The following GLRA3 variants were observed in gnomAD, a reference collection of about 807,000 sequenced individuals.
GLRA3 encodes glycine receptor subunit alpha-3.
A neutral mutation model predicts 60.4 loss-of-function variants in GLRA3; 44 were observed. The observed-to-expected ratio is 0.73, with a 90% CI of 0.57 to 0.94. The LOEUF is 0.94. Ranked by LOEUF, GLRA3 falls within the 40% of genes least tolerant of loss-of-function variation. GLRA3 has a pLI of 0.00. For missense variants in GLRA3, 508 were observed against 564.6 expected (o/e 0.90, Z 1.02); for synonymous variants, 223 against 192.9 (o/e 1.16, Z -1.29).
At chr4:174,677,040 T>C (rs375329222) in intron 7 of GLRA3, 38 bp downstream of exon 7, 37 of 1,175,326 alleles carry the variant, frequency 3.1e-5, no homozygotes, top group Non-Finnish European at 5.1e-6. Flanking sequence ...TTTATAAGTG[T>C]GTGTGCAAAG....
At chr4:174,671,846 T>C (rs895250707) in intron 7 of GLRA3, among the ~76,000 whole-genome samples, 4 of 152,072 alleles carry the variant, frequency 2.6e-5, no homozygotes, top group African/African-American at 7.2e-5. Context: ...AGACGGGGTT[T>C]TGCCATGTTG....
chr4:174,651,604 T>C (rs1437934181), intron 9 of GLRA3, among the ~76,000 whole-genome samples: 2 of 152,186 alleles, frequency 1.3e-5, no homozygotes, highest in Non-Finnish European at 2.9e-5. Flanking sequence ...TAAAATACTA[T>C]GTAAAATAGG....
At chr4:174,663,403 G>A (rs1733530689) in intron 7 of GLRA3, among the ~76,000 whole-genome samples, 1 of 152,138 alleles carries the variant, frequency 6.6e-6, no homozygotes, top group Non-Finnish European at 1.5e-5. Flanking sequence ...GAACGAATAT[G>A]ACTCATAAAG....
intron 1 of GLRA3, among the ~76,000 whole-genome samples, chr4:174,813,855 C>T (rs1261280042): frequency 4.6e-5 from 7 of 152,180 alleles, no homozygotes; most frequent in Admixed American, 2.0e-4. Flanking sequence ...CCGTTGATGT[C>T]TTTTCTCCAG....
chr4:174,647,250 T>C (rs1215304824), intron 9 of GLRA3, among the ~76,000 whole-genome samples: 2 of 151,732 alleles, frequency 1.3e-5, no homozygotes, highest in African/African-American at 4.8e-5. Flanking sequence ...CTACCAAAAT[T>C]ATGAAAAATT....
chr4:174,685,384 G>A (rs1734517334), intron 5 of GLRA3, among the ~76,000 whole-genome samples: 1 of 152,150 alleles, frequency 6.6e-6, no homozygotes, highest in Admixed American at 6.5e-5. Context: ...TCAGTAACCA[G>A]ATCTCTTTAG....
chr4:174,722,315 T>C (rs1260751430), intron 4 of GLRA3, among the ~76,000 whole-genome samples: 1 of 152,196 alleles, frequency 6.6e-6, no homozygotes, highest in African/African-American at 2.4e-5. Context: ...GTCCCTAACC[T>C]GAGTGCATGG....
chr4:174,723,417 A>C (rs1326691623), intron 4 of GLRA3, among the ~76,000 whole-genome samples: 1 of 152,106 alleles, frequency 6.6e-6, no homozygotes, highest in South Asian at 2.1e-4. Flanking sequence ...ATTTTGTTCA[A>C]TGATCAGGGA....
At chr4:174,714,703 C>T (rs552576964) in intron 5 of GLRA3, among the ~76,000 whole-genome samples, 3 of 152,148 alleles carry the variant, frequency 2.0e-5, no homozygotes, top group East Asian at 1.9e-4. Flanking sequence ...TATTCCCCCT[C>T]GGATAACATA....
At chr4:174,820,341 A>G (rs1740693946) in intron 1 of GLRA3, among the ~76,000 whole-genome samples, 1 of 152,188 alleles carries the variant, frequency 6.6e-6, no homozygotes, top group South Asian at 2.1e-4. Context: ...GCCTGGAGTT[A>G]TTTATCTGAA....
intron 7 of GLRA3, among the ~76,000 whole-genome samples, chr4:174,672,306 G>A (rs983095578): frequency 6.6e-6 from 1 of 152,068 alleles, no homozygotes; most frequent in Non-Finnish European, 1.5e-5. Context: ...AAGCCAGAGC[G>A]TGGTCTAAGA....
chr4:174,702,936 A>G (rs1466341179), intron 5 of GLRA3, among the ~76,000 whole-genome samples: 3 of 152,190 alleles, frequency 2.0e-5, no homozygotes, highest in Non-Finnish European at 2.9e-5. Context: ...ACAATTTCTA[A>G]TCAACAGTTC....
At chr4:174,706,916 G>A (rs749638606) in intron 5 of GLRA3, among the ~76,000 whole-genome samples, 1 of 152,170 alleles carries the variant, frequency 6.6e-6, no homozygotes, top group Non-Finnish European at 1.5e-5. Flanking sequence ...TGAACAGGTA[G>A]AGCAGGAAGC....
chr4:174,682,733 T>A, intron 6 of GLRA3, 69 bp downstream of exon 6: 1 of 1,135,538 alleles, frequency 8.8e-7, no homozygotes, highest in Non-Finnish European at 1.3e-6. Context: ...CTTAGCATTA[T>A]AATGAAGAAA....
In GLRA3 at chr4:174,689,792, C is replaced by G. The variant is rs187657984; in HGVS notation, c.575-6853G>C. Among the ~76,000 whole-genome samples, 31 of 76,264 alleles carry G rather than the reference C, an allele frequency of 4.1e-4. 2 individuals carry two copies. The Admixed American group carries it at 5.0e-3, about 12-fold the overall frequency. 50.0% of individuals were successfully genotyped at this position (76,264 alleles called of 152,430 possible). A position where few individuals can be genotyped will look rare whatever the true frequency, so the allele number is the denominator to read the frequency against. ...AAAAAAAAAAAAAAAAAAAGCAAGA[C>G]CTAATGGTATGCTGTCTTCAAGAGA... On this transcript the variant is annotated intron_variant, in intron 5 of 9. Transcript: ENST00000274093.
intron 1 of GLRA3, among the ~76,000 whole-genome samples, chr4:174,796,603 C>G (rs1739580555): frequency 6.6e-6 from 1 of 151,656 alleles, no homozygotes; most frequent in Non-Finnish European, 1.5e-5. Context: ...GAGGCGCGAT[C>G]TTGGCTGACT....
chr4:174,706,980 G>T lies in GLRA3; in HGVS notation c.574+8508C>A, dbSNP rs10033640. On this transcript the variant is annotated intron_variant, in intron 5 of 9. Coordinates refer to ENST00000274093, the MANE Select transcript of GLRA3 (RefSeq NM_006529.4). ...CATAAAGGAAAAGCCATGCTACATT[G>T]ATATCATATTATAATCTTATTACCA... Among the ~76,000 whole-genome samples the T allele has an allele frequency of 9.9e-3, 1,507 of 152,228 alleles. 28 individuals are homozygous for T. Among genetic ancestry groups the T allele is most frequent in the African/African-American group, 0.034 (1,397 of 41,534 alleles).
At position 174,640,555 on chromosome 4, in the gene GLRA3, A is replaced by G. The variant is rs1310292301; in HGVS notation, c.*3231T>C. The G allele has an allele frequency of 2.0e-5, 3 of 152,126 alleles. No homozygotes were observed. Among genetic ancestry groups the G allele is most frequent in the African/African-American group, 7.2e-5 (3 of 41,458 alleles). The allele number at this position is 152,126 out of a possible 1,614,324, so 9.4% of individuals were successfully genotyped here. A position where few individuals can be genotyped will look rare whatever the true frequency, so the allele number is the denominator to read the frequency against. ...TGTATAGTATGGAAGATACATCTAA[A>G]TCTTTTTTCAAATATTATAACTACT... On this transcript the variant is annotated 3_prime_UTR_variant, in exon 10 of 10. Coordinates refer to ENST00000274093, the MANE Select transcript of GLRA3 (RefSeq NM_006529.4).
At chr4:174,706,407 T>C (rs1349086667) in intron 5 of GLRA3, among the ~76,000 whole-genome samples, 4 of 152,030 alleles carry the variant, frequency 2.6e-5, no homozygotes, top group Non-Finnish European at 5.9e-5. Context: ...AATGTTGAAA[T>C]AAATAGATAA....
Sources: gnomAD v4.1 joint callset for allele counts (sites outside exome capture counted in the v4.1 genomes callset) on GRCh38, gnomAD v4.1.1 for gene constraint, MANE v1.5 for transcripts, NCBI Gene and HGNC (gene_info 2026-07-23, HGNC 2026-07-21) for gene names.